The following TMEM235 variants were observed in gnomAD, a reference collection of about 807,000 sequenced individuals.
The protein encoded by TMEM235 is claudin-27.
TMEM235 carries 23 observed loss-of-function variants against 22.9 expected under a neutral mutation model. The observed-to-expected ratio is 1.00, with a 90% CI of 0.72 to 1.42. The LOEUF (loss-of-function observed/expected upper bound fraction) is 1.42. Among genes scored for constraint, TMEM235 ranks in the 40% most tolerant of loss-of-function variants. The pLI is 0.00. For missense variants in TMEM235, 308 were observed against 299.5 expected, an observed-to-expected ratio of 1.03 and a Z score of -0.21; for synonymous variants, 137 against 140.5, an observed-to-expected ratio of 0.98 and a Z score of 0.17.
At chr17:78,234,006 CT>C (rs1241465920) in intron 3 of TMEM235, 31 bp downstream of exon 2, 11 of 1,486,992 alleles carry the variant, frequency 7.4e-6, no homozygotes, top group East Asian at 4.9e-5. Flanking sequence ...CCTCCCCATC[CT>C]TTCCAAATAT....
chr17:78,235,836 T>G (rs2145920977), intron 4 of TMEM235, among the ~76,000 whole-genome samples: 2 of 151,774 alleles, frequency 1.3e-5, no homozygotes, highest in Middle Eastern at 3.4e-3. Context: ...CTTCTGACCT[T>G]GTGATCCTCC....
At chr17:78,235,476 G>A (rs920828852) in intron 4 of TMEM235, among the ~76,000 whole-genome samples, 11 of 151,766 alleles carry the variant, frequency 7.2e-5, no homozygotes, top group African/African-American at 1.9e-4. Context: ...TGGTAGAGAC[G>A]GGGTCTCTCC....
rs1192586792 is a variant in TMEM235, at chr17:78,231,616, C to A, written c.-408C>A. ...TCCTGGGGTCGGTCTCTGGCCGATC[C>A]TCCCTCCTCCTCTCAAGCCCTGCAC... is the stretch of plus-strand genomic sequence containing the variant. On this transcript the variant is annotated 5_prime_UTR_variant, in exon 2 of 6. Coordinates refer to ENST00000421688, the Ensembl canonical transcript of TMEM235. 2 of 1,303,706 alleles carry A rather than the reference C, an allele frequency of 1.5e-6. No homozygotes were observed. Among genetic ancestry groups the A allele is most frequent in the Admixed American group, 2.3e-5 (1 of 43,466 alleles). The allele number at this position is 1,303,706 out of a possible 1,614,324, so 80.8% of individuals were successfully genotyped here.
In TMEM235 at chr17:78,237,364, GAC is replaced by G. The variant is rs2076655837; in HGVS notation, c.410-1658_410-1657del. 6.6e-6 allele frequency among the ~76,000 whole-genome samples: 1 copy of G among 152,152 alleles called. No homozygotes were observed. Among genetic ancestry groups the G allele is most frequent in the Non-Finnish European group, 1.5e-5 (1 of 68,004 alleles). On this transcript the variant is annotated intron_variant, in intron 4 of 5. Transcript: ENST00000421688. The surrounding 1 kb of genome is among the most constrained non-coding windows in gnomAD (Gnocchi z 4.7). ...CTGGGGGACCGACAGGGCCCACGGT[GAC>G]AGAGTCCTTTAGAGTTTCCCAGCTT...
chr17:78,232,018 G>T (rs1172966873), exon 2 of TMEM235: 1 of 1,062,740 alleles, frequency 9.4e-7, no homozygotes, highest in Non-Finnish European at 1.1e-6. Context: ...CCCGCCGGCC[G>T]CCCCCATGGC....
In TMEM235 at chr17:78,240,255, C is replaced by T. The variant is rs117797315; in HGVS notation, c.*463C>T. ...TGGAGGAGTTTGGGGCCACTCCTTG[C>T]CTGCCTCAAAGGGGGCCTGGCTGAG... On this transcript the variant is annotated 3_prime_UTR_variant, in exon 6 of 6. Transcript: ENST00000421688. 5.4e-5 allele frequency: 18 copies of T among 333,534 alleles called. No individual in the cohort carries two copies. The East Asian group carries it at 1.4e-3, about 26-fold the overall frequency. The allele number at this position is 333,534 out of a possible 1,614,324, so 20.7% of individuals were successfully genotyped here.
At chr17:78,239,814 C>G (rs1237537691) in exon 6 of TMEM235, 3 of 1,550,708 alleles carry the variant, frequency 1.9e-6, no homozygotes, top group Non-Finnish European at 2.6e-6. Flanking sequence ...GCAGAGGGAC[C>G]CACCCAGATC....
chr17:78,236,305 T>C (rs73381590), intron 4 of TMEM235, among the ~76,000 whole-genome samples: 30,891 of 152,082 alleles, frequency 0.2, 3,502 homozygotes, highest in Middle Eastern at 0.31. Context: ...GGAGCAAGGG[T>C]TCCGGGGTTT....
chr17:78,234,277 T>G (rs1482502824), intron 3 of TMEM235: 2 of 688,852 alleles, frequency 2.9e-6, no homozygotes, highest in Non-Finnish European at 5.3e-6. Context: ...TGCAGACTCC[T>G]GGCTCCCCAT....
exon 6 of TMEM235, chr17:78,240,495 G>A (rs1040025491): frequency 6.3e-6 from 1 of 159,586 alleles, no homozygotes; most frequent in African/African-American, 2.4e-5. Flanking sequence ...GGCCACAAAG[G>A]CTGGGGCACG....
At chr17:78,235,624 G>A (rs1180121376) in intron 4 of TMEM235, among the ~76,000 whole-genome samples, 6 of 130,074 alleles carry the variant, frequency 4.6e-5, no homozygotes, top group African/African-American at 1.4e-4. Context: ...TTTTTGAGAC[G>A]GAGTCTCGCT....
intron 3 of TMEM235, 130 bp downstream of exon 2, chr17:78,234,105 C>A: frequency 1.2e-6 from 1 of 828,540 alleles, no homozygotes; most frequent in Non-Finnish European, 1.9e-6. Context: ...CGTTTCCACG[C>A]AGACCTGTCC....
intron 3 of TMEM235, chr17:78,234,194 CAGT>C: frequency 1.4e-6 from 1 of 703,144 alleles, no homozygotes; most frequent in Non-Finnish European, 2.6e-6. Context: ...GTTTCCCTCT[CAGT>C]GGTGATGGCT....
chr17:78,239,196 CCTG>C (rs2076681090), exon 5 of TMEM235: 1 of 1,543,456 alleles, frequency 6.5e-7, no homozygotes, highest in Non-Finnish European at 8.7e-7. Flanking sequence ...GCGGAACCCT[CCTG>C]CTCTCAGCTG....
At chr17:78,234,498 T>C (rs943849056) in intron 3 of TMEM235, 95 bp from the exon 3 acceptor site, 49 of 1,505,414 alleles carry the variant, frequency 3.3e-5, no homozygotes, top group Non-Finnish European at 4.4e-5. Context: ...CCGCTTTTCC[T>C]GAGAAGACGA....
At chr17:78,232,253 TCGTCCCTCCGACACCC>T (rs1394868721) in intron 2 of TMEM235, 40 bp downstream of exon 1, 1 of 1,415,318 alleles carries the variant, frequency 7.1e-7, no homozygotes, top group Non-Finnish European at 9.2e-7. Flanking sequence ...CTCCGCGACC[TCGTCCCTCCGACACCC>T]CCTTAACCCC....
exon 6 of TMEM235, chr17:78,239,815 C>T: frequency 1.3e-6 from 2 of 1,550,922 alleles, no homozygotes; most frequent in Non-Finnish European, 1.7e-6. Flanking sequence ...CAGAGGGACC[C>T]ACCCAGATCG....
rs750495355 is a variant in TMEM235, at chr17:78,238,585, T to TGTGTGTGTGTGTGTGTGA, written c.410-438_410-437insTGTGTGTGTGTGTGTGAG. On this transcript the variant is annotated intron_variant, in intron 4 of 5. Coordinates refer to ENST00000421688, the Ensembl canonical transcript of TMEM235. The surrounding 1 kb of genome is among the most constrained non-coding windows in gnomAD (Gnocchi z 4.3). ...GTGTGTGTGTGTGTGTGTGTGTGTG[T>TGTGTGTGTGTGTGTGTGA]GAATGTGTGCAAATGTGTTCGTGTA... is the stretch of plus-strand genomic sequence containing the variant. Among the ~76,000 whole-genome samples the TGTGTGTGTGTGTGTGTGA allele has an allele frequency of 2.1e-5, 3 of 142,914 alleles. No homozygotes were observed. In the Admixed American group the frequency reaches 2.1e-4, roughly 10 times the overall value. 93.8% of individuals were successfully genotyped at this position (142,914 alleles called of 152,430 possible).
At chr17:78,234,516 C>T (rs1343093456) in intron 3 of TMEM235, 77 bp from the exon 3 acceptor site, 5 of 1,521,258 alleles carry the variant, frequency 3.3e-6, no homozygotes, top group East Asian at 2.5e-5. Flanking sequence ...CGAAGCACCA[C>T]GTCACTGTCC....
Sources: allele counts gnomAD v4.1 joint callset (sites outside exome capture counted in the v4.1 genomes callset), GRCh38; gene constraint gnomAD v4.1.1; non-coding constraint Gnocchi (gnomAD v3.1); transcripts MANE v1.5; gene names NCBI Gene and HGNC (gene_info 2026-07-23, HGNC 2026-07-21).